Variants in VPS13D observed in about 807,000 individuals in gnomAD.
VPS13D encodes intermembrane lipid transfer protein VPS13D.
In VPS13D, 187 loss-of-function variants were observed where a neutral mutation model predicts 461.9. The observed-to-expected ratio is 0.40, with a 90% confidence interval of 0.36 to 0.46. The LOEUF (loss-of-function observed/expected upper bound fraction) is 0.46, where lower values mean the gene tolerates loss of function less well. Ranked by LOEUF, VPS13D falls within the 20% of genes least tolerant of loss-of-function variation. The pLI, the probability that VPS13D is intolerant of heterozygous loss-of-function variation, is 0.60. For missense variants in VPS13D, 4,711 were observed against 5,364.9 expected (o/e 0.88, Z 3.81); for synonymous variants, 1,951 against 1,986.3 (o/e 0.98, Z 0.47).
chr1:12,377,921 A>G (rs1644222700), intron 55 of VPS13D, among the ~76,000 whole-genome samples: 1 of 152,116 alleles, frequency 6.6e-6, no homozygotes, highest in Non-Finnish European at 1.5e-5. Context: ...TGAAAATTGG[A>G]CACCATCAAT....
At chr1:12,421,126 C>G (rs1644856909) in intron 65 of VPS13D, among the ~76,000 whole-genome samples, 1 of 152,138 alleles carries the variant, frequency 6.6e-6, no homozygotes, top group East Asian at 1.9e-4. Context: ...TTCTCTTTGC[C>G]TTTCTTTCTC....
intron 52 of VPS13D, among the ~76,000 whole-genome samples, chr1:12,368,074 A>G (rs1399351445): frequency 6.6e-6 from 1 of 152,114 alleles, no homozygotes. Context: ...CCCAGCCAGA[A>G]ATGCTGATTT....
chr1:12,403,684 T>A (rs1644610121), intron 62 of VPS13D, 141 bp from the exon 63 acceptor site: 1 of 747,546 alleles, frequency 1.3e-6, no homozygotes, highest in African/African-American at 1.8e-5. Flanking sequence ...TACACGTCAC[T>A]GTACCCTCAC....
In VPS13D at chr1:12,362,761, T is replaced by C; in HGVS notation, c.10183T>C (p.Cys3395Arg). Reference sequence around the variant, plus strand: ...AGGCCGAGGTCGATACATTGATACCTGCATGGTCATCTTTGCCCCCCGTTA... The same window carrying C: ...AGGCCGAGGTCGATACATTGATACCCGCATGGTCATCTTTGCCCCCCGTTA... The part of the protein sequence containing the change: ...KKGRGRYIDT[C>R]MVIFAPRYLL... Residue 3395 changes from cysteine to arginine, a missense_variant, in exon 51 of 70, where the codon TGC becomes CGC. Transcript: ENST00000620676. The C allele has an allele frequency of 1.2e-6, 2 of 1,614,244 alleles. No homozygotes were observed. Among genetic ancestry groups the C allele is most frequent in the Non-Finnish European group, 8.5e-7 (1 of 1,180,030 alleles).
chr1:12,371,511 C>A (rs896967905), intron 54 of VPS13D, among the ~76,000 whole-genome samples: 6 of 151,748 alleles, frequency 4.0e-5, no homozygotes, highest in Non-Finnish European at 7.4e-5. Flanking sequence ...CTGCCTCAGA[C>A]TCCTGAGTAG....
intron 67 of VPS13D, among the ~76,000 whole-genome samples, chr1:12,466,902 T>G (rs1458283410): frequency 1.3e-5 from 2 of 152,248 alleles, no homozygotes; most frequent in Non-Finnish European, 2.9e-5. Context: ...ATCTCCTCTG[T>G]TGTCCAAACA....
chr1:12,385,398 A>G (rs1193508924), intron 59 of VPS13D, 25 bp downstream of exon 59: 3 of 1,568,206 alleles, frequency 1.9e-6, no homozygotes, highest in Non-Finnish European at 2.6e-6. Context: ...TTGTGAATTT[A>G]TTTATTTGAT....
intron 30 of VPS13D, among the ~76,000 whole-genome samples, chr1:12,315,887 GC>G (rs1642874524): frequency 6.6e-6 from 1 of 151,944 alleles, no homozygotes; most frequent in South Asian, 2.1e-4. Context: ...CACGATCTCA[GC>G]TCACTGCAAC....
Position 12,432,634 on chromosome 1 carries a change from C to A in VPS13D, c.12333+15807C>A, listed in dbSNP as rs576241404. Among the ~76,000 whole-genome samples, 8 of 148,090 alleles carry A rather than the reference C, an allele frequency of 5.4e-5. No homozygotes were observed. In the South Asian group the frequency reaches 1.7e-3, roughly 32 times the overall value. On this transcript the variant is annotated intron_variant, in intron 65 of 69. Coordinates refer to ENST00000620676, the MANE Select transcript of VPS13D (RefSeq NM_015378.4). ...CTTTTTTTTTTTTTTTTAAGACAGT[C>A]TCACTGGCTGAAGTGCAATGGCACC... is the stretch of plus-strand genomic sequence containing the variant.
intron 25 of VPS13D, among the ~76,000 whole-genome samples, chr1:12,300,811 A>T (rs571961154): frequency 1.3e-5 from 2 of 152,220 alleles, no homozygotes; most frequent in South Asian, 4.2e-4. Context: ...GCATTTGAGG[A>T]GACTGAGTGA....
intron 32 of VPS13D, among the ~76,000 whole-genome samples, chr1:12,320,054 C>G (rs941442177): frequency 6.6e-6 from 1 of 152,188 alleles, no homozygotes; most frequent in Non-Finnish European, 1.5e-5. Flanking sequence ...GGAAGGGAAA[C>G]CTATTTATAC....
intron 19 of VPS13D, among the ~76,000 whole-genome samples, chr1:12,278,579 A>G (rs1641687524): frequency 1.3e-5 from 2 of 152,146 alleles, no homozygotes; most frequent in African/African-American, 4.8e-5. Context: ...CCAGGCAGGA[A>G]TTTATTTTTT....
chr1:12,356,958 T>C (rs1358911638), intron 49 of VPS13D, among the ~76,000 whole-genome samples: 2 of 152,212 alleles, frequency 1.3e-5, no homozygotes, highest in East Asian at 3.8e-4. Flanking sequence ...CATTTGGAAA[T>C]TCATCCCTTT....
intron 63 of VPS13D, among the ~76,000 whole-genome samples, chr1:12,405,158 C>A (rs1557760209): frequency 6.6e-6 from 1 of 152,202 alleles, no homozygotes; most frequent in Non-Finnish European, 1.5e-5. Context: ...ACCAGGAGTG[C>A]CTGCTCCATC....
chr1:12,470,855 T>C (rs1051453293), intron 67 of VPS13D, among the ~76,000 whole-genome samples: 3 of 152,230 alleles, frequency 2.0e-5, no homozygotes, highest in Non-Finnish European at 4.4e-5. Context: ...AGGCATTTTT[T>C]CCCTCATTAC....
In VPS13D at chr1:12,318,223, T is replaced by C. The variant is rs753463674; in HGVS notation, c.7300T>C (p.Ser2434Pro). 4 of 1,614,218 alleles carry C rather than the reference T, an allele frequency of 2.5e-6. No homozygotes were observed. Among genetic ancestry groups the C allele is most frequent in the Non-Finnish European group, 3.4e-6 (4 of 1,180,038 alleles). ...NHVTPSRHRN[S>P]SSESAIVPKT... is the part of the protein sequence containing the mutation. The stretch of plus-strand genomic sequence containing the variant: ...TGTTACTCCTTCTCGCCACCGTAAC[T>C]CTAGCAGCGAATCTGCTATAGTTCC... Residue 2434 changes from serine (S) to proline (P), a missense_variant, in exon 31 of 70, where the codon TCT becomes CCT. Ser to Pro is a moderately conservative substitution (Grantham distance 74, BLOSUM62 -1). Transcript: ENST00000620676.
intron 67 of VPS13D, among the ~76,000 whole-genome samples, chr1:12,488,669 CAA>C (rs79424685): frequency 0.012 from 979 of 82,838 alleles, 7 homozygotes; most frequent in African/African-American, 0.023. Flanking sequence ...TCATTTGAAC[CAA>C]AAAAAAAAAA....
chr1:12,273,621 C>G (rs1641518715), intron 18 of VPS13D, among the ~76,000 whole-genome samples: 1 of 152,224 alleles, frequency 6.6e-6, no homozygotes, highest in African/African-American at 2.4e-5. Context: ...TTTGTCTGTT[C>G]TGAACATTTC....
At chr1:12,345,936 C>T (rs763531534) in intron 43 of VPS13D, among the ~76,000 whole-genome samples, 3 of 152,328 alleles carry the variant, frequency 2.0e-5, no homozygotes, top group South Asian at 4.1e-4. Flanking sequence ...TGTCCACTGT[C>T]GTTTATTTTC....
Sources: gnomAD v4.1 joint callset for allele counts (sites outside exome capture counted in the v4.1 genomes callset) on GRCh38, gnomAD v4.1.1 for gene constraint, MANE v1.5 for transcripts, NCBI Gene and HGNC (gene_info 2026-07-23, HGNC 2026-07-21) for gene names.